Variants in PCDH15 observed in about 807,000 individuals in gnomAD.
PCDH15 encodes the protein protocadherin related 15, also known as protocadherin-15.
Under a neutral mutation model 178.5 loss-of-function variants are expected in PCDH15, and 129 were observed. The observed-to-expected ratio is 0.72, with a 90% CI of 0.63 to 0.84. The LOEUF (loss-of-function observed/expected upper bound fraction) is 0.84. Among genes scored for constraint, PCDH15 ranks in the 40% least tolerant of loss-of-function variants. The pLI, the probability that PCDH15 is intolerant of heterozygous loss-of-function variation, is 0.00. For synonymous variants in PCDH15, 800 were observed against 732.0 expected (o/e 1.09, Z -1.50); for missense variants, 2,230 against 2,099.9 (o/e 1.06, Z -1.21).
chr10:54,851,523 C>A (rs991436848), intron 3 of PCDH15, among the ~76,000 whole-genome samples: 2 of 151,926 alleles, frequency 1.3e-5, no homozygotes, highest in Non-Finnish European at 2.9e-5. Flanking sequence ...TAACACAAGC[C>A]CTTATGGTAT....
At chr10:54,528,368 T>G in intron 2 of PCDH15, 3 of 1,566,904 alleles carry the variant, frequency 1.9e-6, no homozygotes, top group Non-Finnish European at 2.6e-6. Context: ...TGTTTGGGGT[T>G]TTTATTTTTG....
At chr10:54,470,634 T>A (rs933353490) in intron 3 of PCDH15, among the ~76,000 whole-genome samples, 1 of 152,140 alleles carries the variant, frequency 6.6e-6, no homozygotes, top group Non-Finnish European at 1.5e-5. Flanking sequence ...GACTCTACCA[T>A]GGCTAAGATT....
At chr10:54,879,753 C>A (rs1009608885) in intron 3 of PCDH15, among the ~76,000 whole-genome samples, 1 of 151,360 alleles carries the variant, frequency 6.6e-6, no homozygotes, top group South Asian at 2.1e-4. Flanking sequence ...TTATATATAA[C>A]CAACATGAAA....
At chr10:54,342,050 G>T (rs2134090829) in intron 6 of PCDH15, among the ~76,000 whole-genome samples, 1 of 152,288 alleles carries the variant, frequency 6.6e-6, no homozygotes. Flanking sequence ...AAACTTTAAA[G>T]AATCTGCAGC....
intron 2 of PCDH15, among the ~76,000 whole-genome samples, chr10:55,386,056 T>A (rs558203060): frequency 1.3e-5 from 2 of 151,886 alleles, no homozygotes; most frequent in South Asian, 4.1e-4. Context: ...GACTGTGAAG[T>A]TTCTAGCACC....
chr10:54,974,508 T>C lies in PCDH15; in HGVS notation c.-79-77008A>G, dbSNP rs190638985. 2.0e-5 allele frequency among the ~76,000 whole-genome samples: 3 copies of C among 151,802 alleles called. No individual in the cohort carries two copies. In the East Asian group the frequency reaches 5.8e-4, roughly 29 times the overall value. On this transcript the variant is annotated intron_variant, in intron 2 of 5. Coordinates refer to the PCDH15 transcript ENST00000458638. ...TGTATATATGTATATAATAGAAATG[T>C]ATAGATATATAATATACATATATAC...
intron 3 of PCDH15, among the ~76,000 whole-genome samples, chr10:54,850,955 G>A (rs10763151): frequency 0.45 from 68,621 of 151,954 alleles, 16,100 homozygotes; most frequent in East Asian, 0.73. Context: ...CTTTAGCATG[G>A]AAGAGTAAGA....
chr10:54,813,126 G>A (rs1380268489), intron 3 of PCDH15, among the ~76,000 whole-genome samples: 1 of 152,112 alleles, frequency 6.6e-6, no homozygotes, highest in African/African-American at 2.4e-5. Flanking sequence ...TCCTATGCCT[G>A]TGGCTCTTCC....
intron 2 of PCDH15, among the ~76,000 whole-genome samples, chr10:55,136,452 T>A (rs1164542394): frequency 6.6e-6 from 1 of 152,022 alleles, no homozygotes; most frequent in East Asian, 1.9e-4. Context: ...AACAATGTAC[T>A]TCTAAGAATG....
At chr10:53,841,325 T>A (rs1358031127) in intron 28 of PCDH15, among the ~76,000 whole-genome samples, 3 of 152,130 alleles carry the variant, frequency 2.0e-5, no homozygotes. Context: ...CTATATATGA[T>A]AAATATTCTA....
chr10:55,194,690 C>A (rs890271429), intron 1 of PCDH15, among the ~76,000 whole-genome samples: 2 of 151,888 alleles, frequency 1.3e-5, no homozygotes, highest in African/African-American at 4.8e-5. Flanking sequence ...TAGACATATA[C>A]CCAGGAAATA....
chr10:54,321,907 A>G (rs1011851717), intron 7 of PCDH15, among the ~76,000 whole-genome samples: 3 of 152,026 alleles, frequency 2.0e-5, no homozygotes, highest in African/African-American at 7.2e-5. Flanking sequence ...ATTCTCCCAC[A>G]TTTTATCACC....
At chr10:55,364,916 G>A (rs11004829) in intron 2 of PCDH15, among the ~76,000 whole-genome samples, 2 of 151,686 alleles carry the variant, frequency 1.3e-5, no homozygotes, top group Non-Finnish European at 2.9e-5. Context: ...ACAATTTTTT[G>A]TCAATTATAA....
At chr10:53,948,296 A>C (rs1334428847) in intron 23 of PCDH15, among the ~76,000 whole-genome samples, 1 of 152,148 alleles carries the variant, frequency 6.6e-6, no homozygotes, top group Non-Finnish European at 1.5e-5. Flanking sequence ...TAGCAAATTT[A>C]TTCCTCTCGC....
At chr10:54,745,545 C>A (rs1945348373) in intron 1 of PCDH15, among the ~76,000 whole-genome samples, 1 of 152,242 alleles carries the variant, frequency 6.6e-6, no homozygotes, top group Admixed American at 6.5e-5. Flanking sequence ...CATAGCAAAT[C>A]TGACAGTGAA....
chr10:54,243,079 TAA>T (rs2055571535), intron 8 of PCDH15, among the ~76,000 whole-genome samples: 2 of 152,224 alleles, frequency 1.3e-5, no homozygotes, highest in South Asian at 2.1e-4. Context: ...ATTTAATACC[TAA>T]GTTATTGAAT....
intron 8 of PCDH15, among the ~76,000 whole-genome samples, chr10:54,303,699 A>C (rs1462785417): frequency 6.6e-6 from 1 of 152,158 alleles, no homozygotes; most frequent in East Asian, 1.9e-4. Context: ...AATATTTATA[A>C]CCTAAGTATA....
intron 3 of PCDH15, among the ~76,000 whole-genome samples, chr10:54,870,773 G>C (rs910930303): frequency 6.7e-6 from 1 of 149,804 alleles, no homozygotes; most frequent in South Asian, 2.1e-4. Flanking sequence ...GCGACAGAGA[G>C]AGACTCCCTC....
intron 2 of PCDH15, among the ~76,000 whole-genome samples, chr10:55,465,916 A>C (rs1354834685): frequency 6.6e-6 from 1 of 152,192 alleles, no homozygotes; most frequent in African/African-American, 2.4e-5. Flanking sequence ...TCTACAAATC[A>C]GTTACCTTAC....
Sources: allele counts gnomAD v4.1 joint callset (sites outside exome capture counted in the v4.1 genomes callset), GRCh38; gene constraint gnomAD v4.1.1; transcripts MANE v1.5; gene names NCBI Gene and HGNC (gene_info 2026-07-23, HGNC 2026-07-21).